The following ELMO1 variants were observed in gnomAD, a reference collection of about 807,000 sequenced individuals.
ELMO1 encodes the protein engulfment and cell motility protein 1.
A neutral mutation model predicts 98.9 loss-of-function variants in ELMO1; 26 were observed. That is an observed-to-expected ratio of 0.26 (90% CI 0.19 to 0.36). The LOEUF is 0.36. Ranked by LOEUF, ELMO1 falls within the 10% of genes least tolerant of loss-of-function variation. The pLI is 1.00. For missense variants in ELMO1, 627 were observed against 935.2 expected, an observed-to-expected ratio of 0.67 and a Z score of 4.30; for synonymous variants, 346 against 346.0, an observed-to-expected ratio of 1.00 and a Z score of 0.00.
rs1055155621 is a variant in ELMO1 at position 36,854,552 on chromosome 7, AAAACT to A, written c.*994_*998del. 4 of 152,586 alleles carry A rather than the reference AAAACT, an allele frequency of 2.6e-5. No individual in the cohort carries two copies. Among genetic ancestry groups the A allele is most frequent in the African/African-American group, 9.6e-5 (4 of 41,512 alleles). 9.5% of individuals were successfully genotyped at this position (152,586 alleles called of 1,614,324 possible). On this transcript the variant is annotated 3_prime_UTR_variant, in exon 22 of 22. Transcript: ENST00000310758. Reference sequence around the variant, plus strand: ...CAAAAACAAAGCAAAAAAAAAAAAAAAAACTAACCCAAAACTCTTGCAAATTGTAA... The same window carrying A: ...CAAAAACAAAGCAAAAAAAAAAAAAAAACCCAAAACTCTTGCAAATTGTAA...
chr7:37,257,950 G>A (rs760701128), intron 6 of ELMO1, among the ~76,000 whole-genome samples: 8 of 151,650 alleles, frequency 5.3e-5, no homozygotes, highest in East Asian at 3.9e-4. Context: ...CCTGGCCAAC[G>A]TGGTAAAACC....
In ELMO1 at chr7:37,355,707, C is replaced by T. The variant is rs189210160; in HGVS notation, c.-73-12944G>A. 4.0e-3 allele frequency among the ~76,000 whole-genome samples: 615 copies of T among 152,288 alleles called. 14 individuals carry two copies. Among genetic ancestry groups the T allele is most frequent in the Non-Finnish European group, 1.3e-3 (91 of 68,022 alleles). ...GATGGAAAATAAGAGAACCATTTTC[C>T]CTCCTGACCACAGGTCTAGTCCTCC... On this transcript the variant is annotated intron_variant, in intron 1 of 21. Transcript: ENST00000310758.
At chr7:37,428,857 T>C (rs1279570829) in intron 1 of ELMO1, among the ~76,000 whole-genome samples, 1 of 152,246 alleles carries the variant, frequency 6.6e-6, no homozygotes, top group Non-Finnish European at 1.5e-5. Flanking sequence ...TGTGTTTAAA[T>C]TTAAGAGGCA....
intron 16 of ELMO1, among the ~76,000 whole-genome samples, chr7:36,906,004 C>T (rs1230354649): frequency 6.6e-6 from 1 of 152,356 alleles, no homozygotes; most frequent in Middle Eastern, 3.4e-3. Context: ...ACCTGCCCCT[C>T]TGGAAAGGAG....
chr7:37,405,722 G>T (rs1803728629), intron 1 of ELMO1, among the ~76,000 whole-genome samples: 2 of 152,140 alleles, frequency 1.3e-5, no homozygotes, highest in South Asian at 4.1e-4. Context: ...AATACAGACT[G>T]GCTGAATCAG....
intron 14 of ELMO1, among the ~76,000 whole-genome samples, chr7:37,122,566 C>T (rs981309476): frequency 1.3e-5 from 2 of 152,180 alleles, no homozygotes; most frequent in African/African-American, 4.8e-5. Flanking sequence ...GTAAAGGGAT[C>T]AATTCAACAA....
chr7:37,287,454 T>C (rs1034958654), intron 4 of ELMO1, among the ~76,000 whole-genome samples: 5 of 152,178 alleles, frequency 3.3e-5, no homozygotes, highest in Middle Eastern at 3.2e-3. Flanking sequence ...ACAAGATCTG[T>C]TGTAAGGTCT....
At chr7:37,132,475 C>G (rs1786988993) in intron 14 of ELMO1, among the ~76,000 whole-genome samples, 1 of 152,140 alleles carries the variant, frequency 6.6e-6, no homozygotes, top group African/African-American at 2.4e-5. Context: ...AAATCCAGGG[C>G]TCCAACCGAG....
At chr7:36,893,116 T>C (rs1229365755) in intron 17 of ELMO1, among the ~76,000 whole-genome samples, 1 of 152,160 alleles carries the variant, frequency 6.6e-6, no homozygotes, top group Non-Finnish European at 1.5e-5. Context: ...TAATTCAGAG[T>C]TACTTGGCTT....
intron 17 of ELMO1, among the ~76,000 whole-genome samples, chr7:36,891,133 T>C (rs894049658): frequency 6.6e-6 from 1 of 152,266 alleles, no homozygotes; most frequent in African/African-American, 2.4e-5. Context: ...TTGCTTTGTG[T>C]CTCCACTGCA....
intron 15 of ELMO1, among the ~76,000 whole-genome samples, chr7:37,014,858 T>C (rs1004272478): frequency 2.0e-5 from 3 of 151,974 alleles, no homozygotes; most frequent in African/African-American, 7.3e-5. Flanking sequence ...AGAGCTTCTG[T>C]TCTCGGGGAG....
chr7:37,192,814 AT>A (rs1201572310), intron 13 of ELMO1, among the ~76,000 whole-genome samples: 23 of 143,600 alleles, frequency 1.6e-4, no homozygotes, highest in Admixed American at 3.5e-4. Flanking sequence ...AAAAAAAAAA[AT>A]GTGTGTGTGT....
chr7:37,054,831 T>C (rs896754119), intron 15 of ELMO1, among the ~76,000 whole-genome samples: 6 of 152,188 alleles, frequency 3.9e-5, no homozygotes, highest in African/African-American at 1.4e-4. Flanking sequence ...TTCTGGCACC[T>C]CTCCCAACTT....
chr7:36,887,799 T>A, intron 17 of ELMO1, 127 bp from the exon 18 acceptor site: 1 of 749,214 alleles, frequency 1.3e-6, no homozygotes, highest in Non-Finnish European at 2.2e-6. Context: ...TACCTCCAAC[T>A]TGGTGCTTTA....
intron 2 of ELMO1, among the ~76,000 whole-genome samples, chr7:37,331,907 C>A (rs1224465695): frequency 1.5e-4 from 1 of 6,576 alleles, no homozygotes; most frequent in Non-Finnish European, 2.7e-4. Context: ...GTGGGAGGAA[C>A]AACAAGGACC....
intron 1 of ELMO1, among the ~76,000 whole-genome samples, chr7:37,382,209 A>G (rs1016360034): frequency 1.3e-5 from 2 of 152,198 alleles, no homozygotes; most frequent in Non-Finnish European, 2.9e-5. Context: ...GTGTTCTGCA[A>G]TTTTGGAGAA....
intron 1 of ELMO1, among the ~76,000 whole-genome samples, chr7:37,431,497 C>T (rs1315513493): frequency 6.6e-6 from 1 of 152,098 alleles, no homozygotes; most frequent in Non-Finnish European, 1.5e-5. Flanking sequence ...GTCAAGTGAA[C>T]AAAAGTCTAA....
intron 16 of ELMO1, among the ~76,000 whole-genome samples, chr7:36,929,992 T>A (rs1408427331): frequency 6.6e-6 from 1 of 152,156 alleles, no homozygotes; most frequent in Non-Finnish European, 1.5e-5. Context: ...AGGCCCTAAA[T>A]TATGTTGAGA....
At chr7:36,912,524 T>C (rs944623858) in intron 16 of ELMO1, among the ~76,000 whole-genome samples, 1 of 152,176 alleles carries the variant, frequency 6.6e-6, no homozygotes, top group Non-Finnish European at 1.5e-5. Flanking sequence ...ATTACTAAAA[T>C]ATCCATAATA....
Sources: allele counts gnomAD v4.1 joint callset (sites outside exome capture counted in the v4.1 genomes callset), GRCh38; gene constraint gnomAD v4.1.1; transcripts MANE v1.5; gene names NCBI Gene and HGNC (gene_info 2026-07-23, HGNC 2026-07-21).